CHL1: variants seen among roughly 807,000 people sequenced by gnomAD.
CHL1 encodes the protein cell adhesion molecule L1 like.
In CHL1, 96 loss-of-function variants were observed where a neutral mutation model predicts 141.9. The ratio of observed to expected loss-of-function variants is 0.68; its 90% CI spans 0.57 to 0.80. The LOEUF is 0.80. Ranked by LOEUF, CHL1 falls within the 30% of genes least tolerant of loss-of-function variation. The pLI is 0.00. For synonymous variants in CHL1, 613 were observed against 502.2 expected (o/e 1.22, Z -2.95); for missense variants, 1,820 against 1,457.2 (o/e 1.25, Z -4.05).
At chr3:225,349 T>G (rs1701219734) in intron 1 of CHL1, among the ~76,000 whole-genome samples, 1 of 152,224 alleles carries the variant, frequency 6.6e-6, no homozygotes, top group African/African-American at 2.4e-5. Flanking sequence ...AAACAATAAG[T>G]GTTGAATGTT....
At chr3:296,908 T>G (rs1259641478) in intron 2 of CHL1, among the ~76,000 whole-genome samples, 1 of 151,984 alleles carries the variant, frequency 6.6e-6, no homozygotes, top group Non-Finnish European at 1.5e-5. Flanking sequence ...GGAGACAGAT[T>G]AGAGAGATAG....
At position 366,108 on chromosome 3, in the gene CHL1, G is replaced by C. The variant is rs1171307642; in HGVS notation, c.1744G>C (p.Asp582His). 1.9e-6 allele frequency: 3 copies of C among 1,613,392 alleles called. No homozygotes were observed. The highest frequency in any genetic ancestry group is 8.5e-7 in the Non-Finnish European group (1 of 1,179,636). ...AGCCTTTGAAATTAATGGCACAGAA[G>C]ATGGCAGGTAGGTAAACTATTATGA... ...GEAFEINGTE[D>H]GRIIIDGANL... Residue 582 changes from aspartate (D) to histidine (H), a missense_variant, in exon 15 of 28, where the codon GAT (aspartate) becomes CAT (histidine). Physicochemically the swap from Asp to His is moderately conservative, Grantham distance 81. Transcript: ENST00000256509.
At chr3:204,612 G>A (rs894364482) in intron 1 of CHL1, among the ~76,000 whole-genome samples, 1 of 152,178 alleles carries the variant, frequency 6.6e-6, no homozygotes, top group African/African-American at 2.4e-5. Flanking sequence ...TGAAAACCTT[G>A]CTAAAAACTG....
chr3:211,070 G>A, intron 1 of CHL1, among the ~76,000 whole-genome samples: 1 of 152,146 alleles, frequency 6.6e-6, no homozygotes. Flanking sequence ...GGGTTTAAGA[G>A]AACCAGGAGT....
rs1365870477 is a variant in CHL1 at position 408,457 on chromosome 3, C to G, written c.*2746C>G. The G allele has an allele frequency of 6.6e-6, 1 of 152,078 alleles. No homozygotes were observed. Among genetic ancestry groups the G allele is most frequent in the Non-Finnish European group, 1.5e-5 (1 of 68,002 alleles). 9.4% of individuals were successfully genotyped at this position (152,078 alleles called of 1,614,324 possible). On this transcript the variant is annotated 3_prime_UTR_variant, in exon 28 of 28. Coordinates refer to ENST00000256509, the MANE Select transcript of CHL1 (RefSeq NM_006614.4). ...TTAACCTTTTTATTTCAAACTCTCT[C>G]AACTCTAAAGTGCTAATAATAATCT...
At chr3:300,758 A>G (rs1698651228) in intron 2 of CHL1, among the ~76,000 whole-genome samples, 1 of 150,356 alleles carries the variant, frequency 6.7e-6, no homozygotes, top group Non-Finnish European at 1.5e-5. Flanking sequence ...GAAACATCTT[A>G]TTTCTAGGAA....
At position 255,345 on chromosome 3, in the gene CHL1, A is replaced by G. The variant is rs187405961; in HGVS notation, c.-95+10653A>G. Among the ~76,000 whole-genome samples the G allele has an allele frequency of 2.0e-5, 3 of 152,336 alleles. No homozygotes were observed. The East Asian group carries it at 5.8e-4, about 29-fold the overall frequency. On this transcript the variant is annotated intron_variant, in intron 2 of 27. Transcript: ENST00000256509. ...GGAAGACTTCCTAGAGTTTCATGTG[A>G]TCATAAAAACCTTTCCAGACGTTTT...
intron 2 of CHL1, among the ~76,000 whole-genome samples, chr3:285,132 T>C (rs1444303229): frequency 6.6e-6 from 1 of 152,258 alleles, no homozygotes; most frequent in African/African-American, 2.4e-5. Context: ...ATAATTAGAA[T>C]AAGTTTCATT....
At chr3:271,419 A>G (rs1219243564) in intron 2 of CHL1, among the ~76,000 whole-genome samples, 3 of 152,224 alleles carry the variant, frequency 2.0e-5, no homozygotes, top group Admixed American at 6.5e-5. Flanking sequence ...AGCCTGGGCA[A>G]TAGAGTGAGA....
At chr3:281,689 A>C (rs1458946581) in intron 2 of CHL1, among the ~76,000 whole-genome samples, 1 of 151,530 alleles carries the variant, frequency 6.6e-6, no homozygotes, top group Non-Finnish European at 1.5e-5. Context: ...CCCCCCAAAT[A>C]GCTGGGATTA....
chr3:308,802 C>G (rs1699480683), intron 2 of CHL1: 1 of 160,186 alleles, frequency 6.2e-6, no homozygotes, highest in African/African-American at 2.4e-5. Context: ...CAGCACGGCC[C>G]CATCCTTATG....
chr3:299,805 T>C (rs1295498764), intron 2 of CHL1, among the ~76,000 whole-genome samples: 2 of 152,158 alleles, frequency 1.3e-5, no homozygotes, highest in East Asian at 1.9e-4. Flanking sequence ...TCAGAGTGTA[T>C]ATCAGTGTGC....
intron 3 of CHL1, among the ~76,000 whole-genome samples, chr3:322,442 A>C (rs1700640176): frequency 6.6e-6 from 1 of 151,454 alleles, no homozygotes. Flanking sequence ...CTGTGAGATT[A>C]AACTGTTTTT....
intron 3 of CHL1, among the ~76,000 whole-genome samples, chr3:323,819 C>T (rs1037719040): frequency 1.3e-5 from 2 of 152,052 alleles, no homozygotes; most frequent in Non-Finnish European, 2.9e-5. Context: ...GAGCAATGAT[C>T]CTGCCACTGC....
chr3:229,169 A>C (rs1045041533), intron 1 of CHL1, among the ~76,000 whole-genome samples: 7 of 152,104 alleles, frequency 4.6e-5, no homozygotes, highest in Non-Finnish European at 7.4e-5. Context: ...GTGGTGTTAC[A>C]TTTCACTTCT....
chr3:198,273 C>G (rs1478020902), intron 1 of CHL1, among the ~76,000 whole-genome samples: 3 of 152,136 alleles, frequency 2.0e-5, no homozygotes. Context: ...AGGGCGCCGG[C>G]GTCCAGTCCC....
chr3:276,317 A>G (rs1475502331), intron 2 of CHL1, among the ~76,000 whole-genome samples: 3 of 152,196 alleles, frequency 2.0e-5, no homozygotes, highest in Admixed American at 2.0e-4. Flanking sequence ...TGAGCTTTGA[A>G]GGTTGGGATT....
intron 15 of CHL1, among the ~76,000 whole-genome samples, chr3:370,665 T>C (rs891818230): frequency 1.3e-5 from 2 of 152,154 alleles, no homozygotes; most frequent in African/African-American, 2.4e-5. Context: ...ATTAGTTTGC[T>C]CTTGCCTCTC....
intron 2 of CHL1, among the ~76,000 whole-genome samples, chr3:269,675 G>T (rs748309964): frequency 6.6e-6 from 1 of 152,238 alleles, no homozygotes; most frequent in South Asian, 2.1e-4. Context: ...ACAGGCATGC[G>T]CCACTATGCC....
Sources: gnomAD v4.1 joint callset for allele counts (sites outside exome capture counted in the v4.1 genomes callset) on GRCh38, gnomAD v4.1.1 for gene constraint, MANE v1.5 for transcripts, NCBI Gene and HGNC (gene_info 2026-07-23, HGNC 2026-07-21) for gene names.